KCNAB1: variants seen among roughly 807,000 people sequenced by gnomAD.
KCNAB1 encodes the protein potassium voltage-gated channel subfamily A regulatory beta subunit 1.
KCNAB1 carries 35 observed loss-of-function variants against 64.6 expected under a neutral mutation model. That is an observed-to-expected ratio of 0.54 (90% CI 0.41 to 0.72). KCNAB1 has a LOEUF of 0.72. Among genes scored for constraint, KCNAB1 ranks in the 30% least tolerant of loss-of-function variants. KCNAB1 has a pLI of 0.00. For synonymous variants in KCNAB1, 177 were observed against 183.8 expected, an observed-to-expected ratio of 0.96 and a Z score of 0.30; for missense variants, 401 against 512.9, an observed-to-expected ratio of 0.78 and a Z score of 2.11.
At chr3:156,199,395 A>G (rs1270115402) in intron 1 of KCNAB1, among the ~76,000 whole-genome samples, 1 of 152,204 alleles carries the variant, frequency 6.6e-6, no homozygotes, top group African/African-American at 2.4e-5. Flanking sequence ...CTCCTGCATA[A>G]TATCCTGAAG....
chr3:156,211,905 GAA>G (rs962999985), intron 1 of KCNAB1, among the ~76,000 whole-genome samples: 5 of 152,214 alleles, frequency 3.3e-5, no homozygotes, highest in African/African-American at 1.2e-4. Flanking sequence ...GGAGGAGCTA[GAA>G]TTGGAGGAAG....
At chr3:156,394,739 G>A (rs974923847) in intron 1 of KCNAB1, among the ~76,000 whole-genome samples, 1 of 152,178 alleles carries the variant, frequency 6.6e-6, no homozygotes, top group African/African-American at 2.4e-5. Flanking sequence ...AGTAACTGCC[G>A]ATTAATTTCC....
In KCNAB1 at chr3:156,421,672, G is replaced by C; in HGVS notation, c.319+13G>C. Reference sequence around the variant, plus strand: ...TGCTTGGGTCTTGGTAAGTACTGAGGGTGTGACCTGGGGGTGGGCTGGAAG... The same window carrying C: ...TGCTTGGGTCTTGGTAAGTACTGAGCGTGTGACCTGGGGGTGGGCTGGAAG... On this transcript the variant is annotated intron_variant, in intron 2 of 13. Transcript: ENST00000490337. 1.2e-6 allele frequency: 2 copies of C among 1,613,324 alleles called. No individual in the cohort carries two copies. Among genetic ancestry groups the C allele is most frequent in the Non-Finnish European group, 1.7e-6 (2 of 1,179,426 alleles).
intron 2 of KCNAB1, among the ~76,000 whole-genome samples, chr3:156,433,513 A>G (rs1716372278): frequency 6.6e-6 from 1 of 152,212 alleles, no homozygotes; most frequent in Non-Finnish European, 1.5e-5. Flanking sequence ...TAAAGGATAG[A>G]TTGGGAAGGA....
At chr3:156,201,827 C>T (rs1445353624) in intron 1 of KCNAB1, among the ~76,000 whole-genome samples, 1 of 152,122 alleles carries the variant, frequency 6.6e-6, no homozygotes, top group Non-Finnish European at 1.5e-5. Context: ...GGGGAGGGCT[C>T]AGGCAGGCTA....
chr3:156,527,963 C>A (rs1199005217), intron 12 of KCNAB1, among the ~76,000 whole-genome samples: 1 of 152,162 alleles, frequency 6.6e-6, no homozygotes, highest in Admixed American at 6.5e-5. Flanking sequence ...TGCTAATTAT[C>A]CAGAATCAGC....
chr3:156,451,678 C>T (rs797008671), intron 2 of KCNAB1, among the ~76,000 whole-genome samples: 1 of 152,230 alleles, frequency 6.6e-6, no homozygotes, highest in African/African-American at 2.4e-5. Flanking sequence ...ATCACTTGTG[C>T]CCAGGCTCTA....
intron 1 of KCNAB1, among the ~76,000 whole-genome samples, chr3:156,128,932 G>A (rs377421173): frequency 4.6e-5 from 7 of 152,170 alleles, no homozygotes; most frequent in African/African-American, 1.4e-4. Flanking sequence ...TGTAAGTAGT[G>A]GTGGAATTGA....
chr3:156,474,835 C>T lies in KCNAB1; in HGVS notation c.658+15C>T, dbSNP rs56252144. 23,133 of 1,584,402 alleles carry T rather than the reference C, an allele frequency of 0.015. 233 individuals are homozygous for T. The highest frequency in any genetic ancestry group is 0.03 in the South Asian group (2,719 of 90,382). On this transcript the variant is annotated intron_variant, in intron 8 of 13. Coordinates refer to ENST00000490337, the MANE Select transcript of KCNAB1 (RefSeq NM_172160.3). ...TCCCATGGAAGGTAAGTTAAGAAAG[C>T]TAATAAAATACTCTAGAAATCTTGA...
At chr3:156,463,856 G>GT (rs200722110) in intron 6 of KCNAB1, 110 bp downstream of exon 6, 4 of 720,004 alleles carry the variant, frequency 5.6e-6, no homozygotes, top group African/African-American at 1.9e-5. Flanking sequence ...TAGAGAGAGG[G>GT]TTTTTTGTTT....
At chr3:156,232,437 T>A (rs1314722202) in intron 1 of KCNAB1, among the ~76,000 whole-genome samples, 2 of 152,260 alleles carry the variant, frequency 1.3e-5, no homozygotes, top group Non-Finnish European at 2.9e-5. Flanking sequence ...CTTATTTGCT[T>A]CTGTCCTGAT....
intron 1 of KCNAB1, among the ~76,000 whole-genome samples, chr3:156,367,729 C>T (rs1402318779): frequency 1.3e-5 from 2 of 152,208 alleles, no homozygotes; most frequent in Non-Finnish European, 2.9e-5. Flanking sequence ...TTTTCTTTCC[C>T]CTTCTCCCTG....
chr3:156,290,905 A>T (rs1281632844), intron 1 of KCNAB1: 1 of 929,320 alleles, frequency 1.1e-6, no homozygotes, highest in African/African-American at 1.8e-5. Context: ...TAACTTGCAG[A>T]GAGAAAAGGA....
intron 1 of KCNAB1, among the ~76,000 whole-genome samples, chr3:156,285,069 G>C (rs539969351): frequency 6.6e-6 from 1 of 152,198 alleles, no homozygotes; most frequent in South Asian, 2.1e-4. Flanking sequence ...GGGAGGCAGC[G>C]TGAGTTTAAA....
At chr3:156,514,490 A>C (rs1164201874) in intron 9 of KCNAB1, 41 bp downstream of exon 9, 1 of 1,443,138 alleles carries the variant, frequency 6.9e-7, no homozygotes, top group Admixed American at 1.7e-5. Context: ...TGAGTACCTT[A>C]TTATTGCTTT....
chr3:156,475,792 T>C, intron 8 of KCNAB1, among the ~76,000 whole-genome samples: 1 of 152,180 alleles, frequency 6.6e-6, no homozygotes, highest in Non-Finnish European at 1.5e-5. Flanking sequence ...TGGAAAAGTA[T>C]AAATGATTGA....
intron 1 of KCNAB1, among the ~76,000 whole-genome samples, chr3:156,247,240 A>G (rs1717511189): frequency 6.6e-6 from 1 of 152,182 alleles, no homozygotes; most frequent in Admixed American, 6.5e-5. Context: ...TGGTGGTTGC[A>G]GGGGTCTGAG....
intron 1 of KCNAB1, among the ~76,000 whole-genome samples, chr3:156,183,767 G>A (rs547280423): frequency 6.6e-6 from 1 of 152,294 alleles, no homozygotes; most frequent in East Asian, 1.9e-4. Flanking sequence ...TTCCTTATTT[G>A]TTAGTGGTAA....
chr3:156,124,592 C>G (rs937313430), intron 1 of KCNAB1, among the ~76,000 whole-genome samples: 3 of 152,026 alleles, frequency 2.0e-5, no homozygotes, highest in African/African-American at 7.3e-5. Flanking sequence ...TACACATATA[C>G]AGAGATATGC....
Sources: allele counts gnomAD v4.1 joint callset (sites outside exome capture counted in the v4.1 genomes callset), GRCh38; gene constraint gnomAD v4.1.1; transcripts MANE v1.5; gene names NCBI Gene and HGNC (gene_info 2026-07-23, HGNC 2026-07-21).